CDYL2: variants seen among roughly 807,000 people sequenced by gnomAD.
CDYL2 encodes chromodomain Y-like protein 2.
CDYL2 carries 23 observed loss-of-function variants against 49.4 expected under a neutral mutation model. That is an observed-to-expected ratio of 0.47 (90% CI 0.34 to 0.66). The LOEUF (loss-of-function observed/expected upper bound fraction) is 0.66. Among genes scored for constraint, CDYL2 ranks in the 30% least tolerant of loss-of-function variants. The pLI is 0.01. For missense variants in CDYL2, 678 were observed against 656.4 expected (o/e 1.03, Z -0.36); for synonymous variants, 360 against 268.8 (o/e 1.34, Z -3.32).
chr16:80,702,295 C>T (rs764832920), intron 1 of CDYL2, among the ~76,000 whole-genome samples: 31 of 151,272 alleles, frequency 2.0e-4, no homozygotes, highest in Non-Finnish European at 1.9e-4. Context: ...ATCCCATGTT[C>T]AAAATAATAT....
At position 80,800,726 on chromosome 16, in the gene CDYL2, A is replaced by G. The variant is rs536662620; in HGVS notation, c.24+3424T>C. Among the ~76,000 whole-genome samples the G allele has an allele frequency of 2.2e-4, 33 of 152,244 alleles. No homozygotes were observed. In the South Asian group the frequency reaches 3.5e-3, roughly 16 times the overall value. On this transcript the variant is annotated intron_variant, in intron 1 of 6. Transcript: ENST00000570137. ...AACAGAAGGACAACGAAGGTCACAC[A>G]AGGGTACTTTATATACTTAAACCAG... is the stretch of plus-strand genomic sequence containing the variant.
intron 1 of CDYL2, among the ~76,000 whole-genome samples, chr16:80,703,556 A>G (rs1157004806): frequency 6.6e-6 from 1 of 152,122 alleles, no homozygotes; most frequent in East Asian, 1.9e-4. Flanking sequence ...CTGCCCTTAC[A>G]GCAGGTATCC....
intron 1 of CDYL2, among the ~76,000 whole-genome samples, chr16:80,704,556 AAG>A (rs1904339289): frequency 6.6e-6 from 1 of 152,212 alleles, no homozygotes; most frequent in East Asian, 1.9e-4. Flanking sequence ...GACAAAAGGA[AAG>A]ACGTTCACCA....
intron 1 of CDYL2, among the ~76,000 whole-genome samples, chr16:80,784,576 A>G (rs1907373309): frequency 6.6e-6 from 1 of 152,174 alleles, no homozygotes; most frequent in Non-Finnish European, 1.5e-5. Flanking sequence ...ATATCAGGGT[A>G]AGAGCAGGAA....
chr16:80,758,597 C>T (rs948449073), intron 1 of CDYL2, among the ~76,000 whole-genome samples: 2 of 136,424 alleles, frequency 1.5e-5, no homozygotes, highest in Non-Finnish European at 3.0e-5. Context: ...GGCTGGAGGG[C>T]AGTGGCACGA....
chr16:80,750,463 A>T (rs1237165470), intron 1 of CDYL2, among the ~76,000 whole-genome samples: 2 of 151,954 alleles, frequency 1.3e-5, no homozygotes, highest in African/African-American at 4.8e-5. Context: ...GAGAAATAAA[A>T]AACTTAAAAA....
intron 2 of CDYL2, among the ~76,000 whole-genome samples, chr16:80,684,118 T>A (rs1021401421): frequency 6.6e-6 from 1 of 152,106 alleles, no homozygotes; most frequent in Non-Finnish European, 1.5e-5. Context: ...GCTACACTGC[T>A]GGGGGCATGA....
At chr16:80,717,775 T>C (rs1597096300) in intron 1 of CDYL2, among the ~76,000 whole-genome samples, 3 of 152,314 alleles carry the variant, frequency 2.0e-5, no homozygotes, top group Middle Eastern at 3.4e-3. Flanking sequence ...GATTAACTAA[T>C]TGCATGTGTG....
At chr16:80,730,312 T>C (rs2142538023) in intron 1 of CDYL2, among the ~76,000 whole-genome samples, 2 of 152,142 alleles carry the variant, frequency 1.3e-5, no homozygotes, top group South Asian at 4.1e-4. Flanking sequence ...CATTAGAGAA[T>C]GCTACAAACA....
intron 1 of CDYL2, among the ~76,000 whole-genome samples, chr16:80,690,677 C>G (rs1214442155): frequency 7.2e-5 from 11 of 152,134 alleles, no homozygotes; most frequent in South Asian, 2.1e-4. Flanking sequence ...AGGCTGGCAG[C>G]ATATCCGCAG....
chr16:80,732,258 T>TGA (rs1333194805), intron 1 of CDYL2, among the ~76,000 whole-genome samples: 1 of 152,174 alleles, frequency 6.6e-6, no homozygotes, highest in Non-Finnish European at 1.5e-5. Context: ...ATTCTACAAC[T>TGA]GAGAGAGTAT....
At chr16:80,792,897 C>T (rs776100099) in intron 1 of CDYL2, among the ~76,000 whole-genome samples, 3 of 152,136 alleles carry the variant, frequency 2.0e-5, no homozygotes, top group African/African-American at 4.8e-5. Context: ...GACTGGCCGA[C>T]GCTGGGATAT....
intron 1 of CDYL2, among the ~76,000 whole-genome samples, chr16:80,725,904 G>C (rs1159164916): frequency 6.6e-6 from 1 of 152,172 alleles, no homozygotes; most frequent in African/African-American, 2.4e-5. Context: ...CAGCTTCTAA[G>C]ACATTGGGGC....
At chr16:80,672,061 G>C (rs768759112) in intron 2 of CDYL2, among the ~76,000 whole-genome samples, 1 of 152,090 alleles carries the variant, frequency 6.6e-6, no homozygotes, top group Non-Finnish European at 1.5e-5. Context: ...TACCAGTTAA[G>C]CACCCCTAAT....
At chr16:80,686,578 GGTAA>G (rs1385373699) in intron 1 of CDYL2, among the ~76,000 whole-genome samples, 1 of 152,118 alleles carries the variant, frequency 6.6e-6, no homozygotes, top group Non-Finnish European at 1.5e-5. Context: ...GTTGAAAATG[GGTAA>G]TGAATACATG....
intron 1 of CDYL2, among the ~76,000 whole-genome samples, chr16:80,759,998 T>C (rs2142381893): frequency 6.6e-6 from 1 of 152,338 alleles, no homozygotes; most frequent in East Asian, 1.9e-4. Context: ...ATAAAACCTT[T>C]TCAGACATTA....
chr16:80,656,033 C>A (rs975435643), intron 2 of CDYL2, among the ~76,000 whole-genome samples: 1 of 152,226 alleles, frequency 6.6e-6, no homozygotes, highest in Non-Finnish European at 1.5e-5. Context: ...AAGGAAGCCA[C>A]ACGAGCTCTT....
chr16:80,785,071 T>C lies in CDYL2; in HGVS notation c.24+19079A>G, dbSNP rs75387095. On this transcript the variant is annotated intron_variant, in intron 1 of 6. Coordinates refer to ENST00000570137, the MANE Select transcript of CDYL2 (RefSeq NM_152342.4). ...GTAGGCAAGGGCAAGATCATTAGTA[T>C]ACAGGACTTTTGTCCAAGAGTGATG... Among the ~76,000 whole-genome samples, 36 of 152,304 alleles carry C rather than the reference T, an allele frequency of 2.4e-4. No homozygotes were observed. The East Asian group carries it at 6.6e-3, about 28-fold the overall frequency.
intron 1 of CDYL2, among the ~76,000 whole-genome samples, chr16:80,788,431 G>A (rs775408042): frequency 3.3e-5 from 5 of 152,172 alleles, no homozygotes; most frequent in African/African-American, 1.2e-4. Context: ...TCCCTCTCTT[G>A]AACAATACAA....
Sources: gnomAD v4.1 joint callset for allele counts (sites outside exome capture counted in the v4.1 genomes callset) on GRCh38, gnomAD v4.1.1 for gene constraint, MANE v1.5 for transcripts, NCBI Gene and HGNC (gene_info 2026-07-23, HGNC 2026-07-21) for gene names.